Variants in CLIP3 observed in about 807,000 individuals in gnomAD.
CLIP3 encodes CAP-Gly domain containing linker protein 3.
A neutral mutation model predicts 59.4 loss-of-function variants in CLIP3; 15 were observed. The observed-to-expected ratio is 0.25, with a 90% CI of 0.17 to 0.39. The LOEUF (loss-of-function observed/expected upper bound fraction) is 0.39, where lower values mean the gene tolerates loss of function less well. Among genes scored for constraint, CLIP3 ranks in the 10% least tolerant of loss-of-function variants. CLIP3 has a pLI of 1.00. For missense variants in CLIP3, 495 were observed against 765.7 expected, an observed-to-expected ratio of 0.65 and a Z score of 4.17; for synonymous variants, 300 against 321.6, an observed-to-expected ratio of 0.93 and a Z score of 0.72.
Position 36,026,625 on chromosome 19 carries a change from C to G in CLIP3, c.523G>C (p.Asp175His). The change falls in exon 5 of 14, where the codon GAC (aspartate) becomes CAC (histidine). Residue 175 changes from aspartate to histidine, a missense_variant. Asp to His is a moderately conservative substitution (Grantham distance 81, BLOSUM62 -1). Coordinates refer to ENST00000360535, the MANE Select transcript of CLIP3 (RefSeq NM_015526.3). This position sits in a 1 kb window ranked among gnomAD's most constrained non-coding sequence, Gnocchi z 6.3. Reference protein sequence around the residue: ...LHYAAYFDVPDLVRVLLKGAR... With the variant: ...LHYAAYFDVPHLVRVLLKGAR... ...CCCTTCAGCAGCACACGCACGAGGT[C>G]GGGCACATCAAAATAGGCCGCGTAG... is the stretch of plus-strand genomic sequence containing the variant. 1 of 1,613,788 alleles carries G rather than the reference C, an allele frequency of 6.2e-7. No homozygotes were observed. Among genetic ancestry groups the G allele is most frequent in the Non-Finnish European group, 8.5e-7 (1 of 1,179,936 alleles).
Position 36,016,218 on chromosome 19 carries a change from AAGG to A in CLIP3, c.1590-9_1590-7del, listed in dbSNP as rs763474986. The A allele has an allele frequency of 6.8e-6, 11 of 1,614,078 alleles. 1 individual carries two copies. In the South Asian group the frequency reaches 1.1e-4, roughly 16 times the overall value. On this transcript the variant is annotated splice_polypyrimidine_tract_variant and splice_region_variant and intron_variant, in intron 13 of 13. Transcript: ENST00000360535. This position sits in a 1 kb window ranked among gnomAD's most constrained non-coding sequence, Gnocchi z 4.1. Reference sequence around the variant, plus strand: ...ACCAGCAGCAGAACAGCAACCTGGAAAGGAGGATGACAGGGTCACGCCCTTAGG... The same window carrying A: ...ACCAGCAGCAGAACAGCAACCTGGAAAGGATGACAGGGTCACGCCCTTAGG...
At chr19:36,022,639 G>A (rs887329117) in intron 7 of CLIP3, among the ~76,000 whole-genome samples, 1 of 152,144 alleles carries the variant, frequency 6.6e-6, no homozygotes, top group Non-Finnish European at 1.5e-5. Flanking sequence ...TTTCTGGATG[G>A]GGCCGGGCGC....
chr19:36,032,336 G>A lies in CLIP3; in HGVS notation c.22C>T (p.Pro8Ser), dbSNP rs896903692. Residue 8 changes from proline to serine, a missense_variant, in exon 2 of 14, where the codon CCG becomes TCG. By Grantham distance (74) the Pro-to-Ser change is moderately conservative (BLOSUM62 -1). Around this residue, in one of 5 missense-constraint regions of CLIP3, gnomAD observed 90 missense variants for 105.2 expected, o/e 0.86. Coordinates refer to ENST00000360535, the MANE Select transcript of CLIP3 (RefSeq NM_015526.3). The surrounding 1 kb of genome is among the most constrained non-coding windows in gnomAD (Gnocchi z 4.3). MTKTDPA[P>S]MAPPPRGEEE... ...TCTCCTCGGGGTGGCGGGGCCATCG[G>A]GGCAGGATCTGTCTTAGTCATGGTC... 1.6e-6 allele frequency: 2 copies of A among 1,270,110 alleles called. No individual in the cohort carries two copies. The highest frequency in any genetic ancestry group is 2.0e-6 in the Non-Finnish European group (2 of 999,756). 78.7% of individuals were successfully genotyped at this position (1,270,110 alleles called of 1,614,324 possible).
In CLIP3 at chr19:36,026,104, A is replaced by G. The variant is rs763487273; in HGVS notation, c.681+43T>C. On this transcript the variant is annotated intron_variant, in intron 6 of 13. Coordinates refer to ENST00000360535, the MANE Select transcript of CLIP3 (RefSeq NM_015526.3). The surrounding 1 kb of genome is among the most constrained non-coding windows in gnomAD (Gnocchi z 6.3). ...CCTGCTGGAGGGAAGTGGGGGAGGA[A>G]GGGAGCAGGAGGGTAACGGGTTCTG... The G allele has an allele frequency of 3.4e-6, 5 of 1,454,456 alleles. No individual in the cohort carries two copies. The highest frequency in any genetic ancestry group is 4.8e-6 in the Non-Finnish European group (5 of 1,038,466). 90.1% of individuals were successfully genotyped at this position (1,454,456 alleles called of 1,614,324 possible).
intron 2 of CLIP3, among the ~76,000 whole-genome samples, chr19:36,030,644 C>G (rs140166836): frequency 2.6e-3 from 392 of 152,352 alleles, no homozygotes; most frequent in Admixed American, 5.2e-3. Flanking sequence ...ACACCCTCCC[C>G]TTGCCACTCT....
rs1285098513 is a variant in CLIP3 at position 36,026,911 on chromosome 19, T to C, written c.400+41A>G. On this transcript the variant is annotated intron_variant, in intron 4 of 13. Coordinates refer to ENST00000360535, the MANE Select transcript of CLIP3 (RefSeq NM_015526.3). The surrounding 1 kb of genome is among the most constrained non-coding windows in gnomAD (Gnocchi z 6.3). ...TTTCAGCGTGTTGGGTCTGGGGGCC[T>C]AGGCTTTGGGGCTTATGACTTGGGG... 4 of 1,526,364 alleles carry C rather than the reference T, an allele frequency of 2.6e-6. No homozygotes were observed. Among genetic ancestry groups the C allele is most frequent in the Admixed American group, 2.1e-5 (1 of 47,164 alleles). 94.6% of individuals were successfully genotyped at this position (1,526,364 alleles called of 1,614,324 possible).
chr19:36,025,204 C>T (rs1416035801), intron 6 of CLIP3, among the ~76,000 whole-genome samples: 1 of 152,056 alleles, frequency 6.6e-6, no homozygotes, highest in Non-Finnish European at 1.5e-5. Context: ...GGATGAGGGC[C>T]ACACTTCAGT....
chr19:36,032,740 T>G lies in CLIP3; in HGVS notation c.-75A>C, dbSNP rs374240329. 145 of 163,442 alleles carry G rather than the reference T, an allele frequency of 8.9e-4. 2 individuals are homozygous for G. The East Asian group carries it at 0.02, about 23-fold the overall frequency. 10.1% of individuals were successfully genotyped at this position (163,442 alleles called of 1,614,324 possible). On this transcript the variant is annotated 5_prime_UTR_variant, in exon 1 of 14. Transcript: ENST00000360535. The surrounding 1 kb of genome is among the most constrained non-coding windows in gnomAD (Gnocchi z 4.3). ...CCATCTTACCTCGGGCAGACAGCGC[T>G]GGGGACCAAAGTGGAGACTGGGGAG... is the stretch of plus-strand genomic sequence containing the variant.
chr19:36,022,023 C>T (rs1968963904), intron 7 of CLIP3, among the ~76,000 whole-genome samples: 1 of 151,598 alleles, frequency 6.6e-6, no homozygotes, highest in Admixed American at 6.6e-5. Context: ...GGACTACAGG[C>T]ACCTGCCACC....
chr19:36,029,718 A>T (rs1320639956), intron 2 of CLIP3, among the ~76,000 whole-genome samples: 1 of 150,860 alleles, frequency 6.6e-6, no homozygotes, highest in Non-Finnish European at 1.5e-5. Context: ...TGCCTCATTC[A>T]CTCCTTTATC....
Position 36,027,135 on chromosome 19 carries a change from A to G in CLIP3, c.303T>C (p.Asn101=). The part of the protein sequence containing the change: ...QVQHKIDVIG[N]EILRRGCHVN... ...CTGGTTTCCCCAGTGTTCTCACCTC[A>G]TTGCCGATGACGTCTATCTTGTGCT... Residue 101 remains asparagine, a synonymous_variant, in exon 3 of 14, where the codon AAT becomes AAC. Coordinates refer to ENST00000360535, the MANE Select transcript of CLIP3 (RefSeq NM_015526.3). 1 of 1,606,644 alleles carries G rather than the reference A, an allele frequency of 6.2e-7. No individual in the cohort carries two copies. The highest frequency in any genetic ancestry group is 8.5e-7 in the Non-Finnish European group (1 of 1,176,990).
At chr19:36,031,865 C>T (rs1969275217) in intron 2 of CLIP3, among the ~76,000 whole-genome samples, 1 of 152,110 alleles carries the variant, frequency 6.6e-6, no homozygotes, top group Non-Finnish European at 1.5e-5. Context: ...TGTGAGTTGT[C>T]TCAGGGCAAA....
intron 6 of CLIP3, among the ~76,000 whole-genome samples, chr19:36,025,929 CT>C (rs1286147655): frequency 6.6e-6 from 1 of 152,260 alleles, no homozygotes. Flanking sequence ...ATCCCTTAAT[CT>C]CTGCCTCAGT....
At chr19:36,020,555 C>T (rs1968927334) in intron 7 of CLIP3, among the ~76,000 whole-genome samples, 1 of 150,592 alleles carries the variant, frequency 6.6e-6, no homozygotes, top group Admixed American at 6.6e-5. Flanking sequence ...GCCCAGATAG[C>T]ACCACTGCAC....
At chr19:36,028,553 T>C (rs1429404301) in intron 2 of CLIP3, among the ~76,000 whole-genome samples, 4 of 152,126 alleles carry the variant, frequency 2.6e-5, no homozygotes, top group Non-Finnish European at 5.9e-5. Flanking sequence ...ACTACATGAA[T>C]GATCAGATTA....
At chr19:36,024,228 G>T in intron 7 of CLIP3, 168 bp downstream of exon 7, 1 of 625,162 alleles carries the variant, frequency 1.6e-6, no homozygotes, top group Non-Finnish European at 2.8e-6. Context: ...AGGCTCAAAG[G>T]AGACACCCAC....
chr19:36,027,077 C>A (rs993463450), intron 3 of CLIP3, 32 bp from the exon 4 acceptor site: 1 of 1,598,040 alleles, frequency 6.3e-7, no homozygotes, highest in African/African-American at 1.4e-5. Context: ...GGAGGGTCAC[C>A]CACACATGTG....
At position 36,024,430 on chromosome 19, in the gene CLIP3, C is replaced by T. The variant is rs758565564; in HGVS notation, c.884G>A (p.Arg295His). ...ATCCAGCAGCACGCGGTCTCCCAGG[C>T]GCAAGCCCAGTGCGCTAAGCATGAG... ...GNLMLSALGL[R>H]LGDRVLLDGQ... is the part of the protein sequence containing the mutation. The change falls in exon 7 of 14, where the codon CGC (arginine) becomes CAC (histidine). Residue 295 changes from arginine to histidine, a missense_variant. Physicochemically the swap from Arg to His is conservative, Grantham distance 29. This residue lies in a region of CLIP3 where 194 missense variants were observed against 327.8 expected (regional missense o/e 0.59). Coordinates refer to ENST00000360535, the MANE Select transcript of CLIP3 (RefSeq NM_015526.3). 5.7e-5 allele frequency: 92 copies of T among 1,614,018 alleles called. No homozygotes were observed. The highest frequency in any genetic ancestry group is 5.5e-4 in the Admixed American group (33 of 60,004).
In CLIP3 at chr19:36,026,535, C is replaced by G; in HGVS notation, c.562+51G>C. 1 of 1,603,008 alleles carries G rather than the reference C, an allele frequency of 6.2e-7. No homozygotes were observed. Among genetic ancestry groups the G allele is most frequent in the African/African-American group, 1.3e-5 (1 of 74,892 alleles). ...CAGCCTGGCCTCACCTGGGTCTCCG[C>G]GTCCCTCACCCAGGTCCTTGCCCCC... On this transcript the variant is annotated intron_variant, in intron 5 of 13. Transcript: ENST00000360535. This position sits in a 1 kb window ranked among gnomAD's most constrained non-coding sequence, Gnocchi z 6.3.
Sources: gnomAD v4.1 joint callset for allele counts (sites outside exome capture counted in the v4.1 genomes callset) on GRCh38, gnomAD v4.1.1 for gene constraint, gnomAD v4.1.1 regional missense constraint, Gnocchi (gnomAD v3.1) non-coding constraint, MANE v1.5 for transcripts, NCBI Gene and HGNC (gene_info 2026-07-23, HGNC 2026-07-21) for gene names.